The following WARS2 variants were observed in gnomAD, a reference collection of about 807,000 sequenced individuals.
WARS2 encodes tryptophanyl tRNA synthetase 2, mitochondrial, also known as tryptophan--tRNA ligase, mitochondrial.
Under a neutral mutation model 36.5 loss-of-function variants are expected in WARS2, and 28 were observed. The observed-to-expected ratio is 0.77, with a 90% CI of 0.57 to 1.05. WARS2 has a LOEUF of 1.05. WARS2 is among the 50% of genes least tolerant of loss of function. The pLI, the probability that WARS2 is intolerant of heterozygous loss-of-function variation, is 0.00. For missense variants in WARS2, 435 were observed against 456.8 expected (o/e 0.95, Z 0.44); for synonymous variants, 174 against 178.4 (o/e 0.98, Z 0.20).
At chr1:119,112,430 G>A (rs1041174708) in intron 1 of WARS2, among the ~76,000 whole-genome samples, 3 of 152,148 alleles carry the variant, frequency 2.0e-5, no homozygotes, top group African/African-American at 7.2e-5. Flanking sequence ...CCAGCAGAGA[G>A]GGAGACATTT....
At chr1:119,039,081 T>C (rs953480518) in intron 4 of WARS2, among the ~76,000 whole-genome samples, 6 of 152,234 alleles carry the variant, frequency 3.9e-5, no homozygotes, top group African/African-American at 1.4e-4. Flanking sequence ...TGAATGAATT[T>C]AGTGGAATCT....
At chr1:119,134,435 A>G (rs776282848) in intron 1 of WARS2, among the ~76,000 whole-genome samples, 82 of 152,080 alleles carry the variant, frequency 5.4e-4, no homozygotes, top group Non-Finnish European at 8.4e-4. Context: ...CTCTAGAAAA[A>G]AAACAGAAGA....
chr1:119,094,982 C>G (rs1380602526), intron 1 of WARS2, among the ~76,000 whole-genome samples: 1 of 152,180 alleles, frequency 6.6e-6, no homozygotes, highest in Non-Finnish European at 1.5e-5. Context: ...TCAATAATCT[C>G]TGGAAGCTCT....
intron 1 of WARS2, among the ~76,000 whole-genome samples, chr1:119,138,183 T>C (rs1437033015): frequency 6.6e-6 from 1 of 152,228 alleles, no homozygotes; most frequent in Non-Finnish European, 1.5e-5. Context: ...AAATGTCTAA[T>C]GCATCTGGTT....
chr1:119,065,279 AAAG>A (rs1650734230), intron 2 of WARS2, among the ~76,000 whole-genome samples: 2 of 152,218 alleles, frequency 1.3e-5, no homozygotes, highest in African/African-American at 4.8e-5. Flanking sequence ...TTTATATTAG[AAAG>A]AAGAATGGCT....
At chr1:119,138,902 G>A (rs1228725376) in intron 1 of WARS2, among the ~76,000 whole-genome samples, 2 of 152,118 alleles carry the variant, frequency 1.3e-5, no homozygotes, top group Non-Finnish European at 2.9e-5. Flanking sequence ...TGAAACAATA[G>A]TAGAGGTTTA....
chr1:119,106,485 A>G (rs1405131716), intron 1 of WARS2, among the ~76,000 whole-genome samples: 1 of 152,112 alleles, frequency 6.6e-6, no homozygotes, highest in African/African-American at 2.4e-5. Context: ...CCCTTTTCCA[A>G]AGCCTGGGTA....
chr1:119,066,165 C>T (rs1201678461), intron 2 of WARS2, among the ~76,000 whole-genome samples: 1 of 152,036 alleles, frequency 6.6e-6, no homozygotes, highest in Non-Finnish European at 1.5e-5. Flanking sequence ...CAACAACAGA[C>T]AGCATTTAAA....
intron 1 of WARS2, among the ~76,000 whole-genome samples, chr1:119,093,468 G>A (rs1402119331): frequency 6.0e-5 from 1 of 16,538 alleles, no homozygotes; most frequent in Admixed American, 5.5e-4. Flanking sequence ...CAGTTAAGAT[G>A]AAGTCATAAA....
At chr1:119,138,630 A>C (rs1165205977) in intron 1 of WARS2, among the ~76,000 whole-genome samples, 1 of 152,226 alleles carries the variant, frequency 6.6e-6, no homozygotes, top group Non-Finnish European at 1.5e-5. Context: ...ATATATAAAC[A>C]TAACATCGTA....
intron 1 of WARS2, among the ~76,000 whole-genome samples, chr1:119,097,826 T>C (rs1046720586): frequency 1.3e-5 from 2 of 152,154 alleles, no homozygotes; most frequent in Non-Finnish European, 2.9e-5. Flanking sequence ...ATGCAGGAGC[T>C]GAAGTCTCGT....
intron 1 of WARS2, among the ~76,000 whole-genome samples, chr1:119,084,491 T>C (rs1359617885): frequency 7.9e-5 from 12 of 152,078 alleles, no homozygotes; most frequent in Admixed American, 2.6e-4. Flanking sequence ...AGGAAAAAAC[T>C]TGGAAAGAGG....
intron 1 of WARS2, chr1:119,127,363 G>C: frequency 2.2e-6 from 1 of 462,558 alleles, no homozygotes; most frequent in Non-Finnish European, 4.0e-6. Context: ...AAAAAATTAA[G>C]GCACAGAAAA....
chr1:119,051,360 A>G (rs1649334248), intron 2 of WARS2, among the ~76,000 whole-genome samples: 1 of 152,162 alleles, frequency 6.6e-6, no homozygotes, highest in South Asian at 2.1e-4. Context: ...AAAGAAAATG[A>G]TCTTATTTTT....
intron 1 of WARS2, among the ~76,000 whole-genome samples, chr1:119,125,712 CCT>C (rs1655610242): frequency 1.3e-5 from 2 of 152,118 alleles, no homozygotes; most frequent in Non-Finnish European, 2.9e-5. Flanking sequence ...CTTATTCAGG[CCT>C]CTGTTATTAT....
At chr1:119,121,392 A>T (rs755673024) in intron 1 of WARS2, among the ~76,000 whole-genome samples, 2 of 152,150 alleles carry the variant, frequency 1.3e-5, no homozygotes, top group Admixed American at 6.6e-5. Context: ...GAAATCATAG[A>T]TGACACAAAC....
intron 1 of WARS2, chr1:119,084,945 C>G: frequency 2.5e-6 from 1 of 396,112 alleles, no homozygotes; most frequent in East Asian, 5.3e-5. Context: ...CTGAATTTGA[C>G]TGCATTTAAA....
At chr1:119,062,692 C>A (rs1256419028) in intron 2 of WARS2, among the ~76,000 whole-genome samples, 1 of 152,086 alleles carries the variant, frequency 6.6e-6, no homozygotes, top group Non-Finnish European at 1.5e-5. Context: ...GTGAATAAGT[C>A]TCACTAGATC....
intron 1 of WARS2, among the ~76,000 whole-genome samples, chr1:119,083,055 C>G (rs943214127): frequency 5.3e-5 from 8 of 152,040 alleles, no homozygotes; most frequent in African/African-American, 1.9e-4. Context: ...ACGGTGAAAC[C>G]CCGTCTCTAC....
Sources: allele counts gnomAD v4.1 joint callset (sites outside exome capture counted in the v4.1 genomes callset), GRCh38; gene constraint gnomAD v4.1.1; transcripts MANE v1.5; gene names NCBI Gene and HGNC (gene_info 2026-07-23, HGNC 2026-07-21).